Variants in CREB3L1 observed in about 807,000 individuals in gnomAD.
CREB3L1 encodes cyclic AMP-responsive element-binding protein 3-like protein 1.
CREB3L1 carries 33 observed loss-of-function variants against 54.5 expected under a neutral mutation model. The observed-to-expected ratio is 0.61, with a 90% confidence interval of 0.46 to 0.81. CREB3L1 has a LOEUF of 0.81. Ranked by LOEUF, CREB3L1 falls within the 30% of genes least tolerant of loss-of-function variation. The pLI, the probability that CREB3L1 is intolerant of heterozygous loss-of-function variation, is 0.00. For synonymous variants in CREB3L1, 284 were observed against 286.4 expected, an observed-to-expected ratio of 0.99 and a Z score of 0.08; for missense variants, 656 against 673.3, an observed-to-expected ratio of 0.97 and a Z score of 0.29.
rs1007567398 is a variant in CREB3L1, at chr11:46,304,913, C to T, written c.332-2903C>T. Among the ~76,000 whole-genome samples the T allele has an allele frequency of 3.9e-5, 6 of 152,268 alleles. No individual in the cohort carries two copies. The South Asian group carries it at 6.2e-4, about 16-fold the overall frequency. On this transcript the variant is annotated intron_variant, in intron 2 of 11. Coordinates refer to ENST00000621158, the MANE Select transcript of CREB3L1 (RefSeq NM_052854.4). ...GGGCCCTTTGCAGGGGGCAGCTTCC[C>T]GGAGGCCGGTGGCCAGGCCCTGTAA...
rs1939498506 is a variant in CREB3L1, at chr11:46,312,361, G to C, written c.790G>C (p.Glu264Gln). 1 of 1,612,346 alleles carries C rather than the reference G, an allele frequency of 6.2e-7. No individual in the cohort carries two copies. Among genetic ancestry groups the C allele is most frequent in the Non-Finnish European group, 8.5e-7 (1 of 1,179,152 alleles). Residue 264 changes from glutamate (E) to glutamine (Q), a missense_variant, in exon 6 of 12, where the codon GAG (glutamate) becomes CAG (glutamine). Glu to Gln is a conservative substitution (Grantham distance 29). This residue lies in a region of CREB3L1 where 77 missense variants were observed against 122.0 expected (regional missense o/e 0.63). Transcript: ENST00000621158. Reference sequence around the variant, plus strand: ...GACATCAGGGCCACTGCTCCTGACAGAGGAGGAGAAGCGGACCCTGATTGC... The same window carrying C: ...GACATCAGGGCCACTGCTCCTGACACAGGAGGAGAAGCGGACCCTGATTGC... Reference protein sequence around the residue: ...QGTSGPLLLTEEEKRTLIAEG... With the variant: ...QGTSGPLLLTQEEKRTLIAEG...
intron 1 of CREB3L1, among the ~76,000 whole-genome samples, chr11:46,283,768 G>T (rs1440239081): frequency 2.6e-5 from 4 of 151,852 alleles, no homozygotes; most frequent in African/African-American, 9.7e-5. Context: ...CTGAAGTCCT[G>T]GCTGCTTAGG....
At chr11:46,305,005 G>A (rs768339459) in intron 2 of CREB3L1, among the ~76,000 whole-genome samples, 2 of 152,148 alleles carry the variant, frequency 1.3e-5, no homozygotes, top group African/African-American at 2.4e-5. Flanking sequence ...GGGCACTCAG[G>A]CTCCCAACAG....
intron 1 of CREB3L1, among the ~76,000 whole-genome samples, chr11:46,289,995 T>C (rs996500060): frequency 1.3e-5 from 2 of 152,014 alleles, no homozygotes; most frequent in African/African-American, 4.8e-5. Context: ...GGGAACAGAG[T>C]TGTGGGACCT....
intron 3 of CREB3L1, among the ~76,000 whole-genome samples, chr11:46,308,752 C>G (rs1177213238): frequency 2.0e-5 from 3 of 152,212 alleles, no homozygotes; most frequent in Non-Finnish European, 4.4e-5. Flanking sequence ...CTCACTTGCT[C>G]TAACTGTACG....
At chr11:46,305,079 C>A (rs558737605) in intron 2 of CREB3L1, among the ~76,000 whole-genome samples, 2 of 152,234 alleles carry the variant, frequency 1.3e-5, no homozygotes, top group African/African-American at 4.8e-5. Context: ...CACAGCAGGC[C>A]CCAAAGTCCA....
chr11:46,309,312 C>T (rs1232654680), intron 3 of CREB3L1, among the ~76,000 whole-genome samples: 1 of 152,192 alleles, frequency 6.6e-6, no homozygotes, highest in Non-Finnish European at 1.5e-5. Flanking sequence ...CCAACAACGC[C>T]TTCCTCAGAC....
At chr11:46,303,896 C>T (rs1939336894) in intron 2 of CREB3L1, among the ~76,000 whole-genome samples, 1 of 152,032 alleles carries the variant, frequency 6.6e-6, no homozygotes, top group Non-Finnish European at 1.5e-5. Flanking sequence ...GTCCCAGCTA[C>T]CTAAGAGCCT....
chr11:46,278,270 G>C lies in CREB3L1; in HGVS notation c.102+57G>C, dbSNP rs904965214. 6.1e-5 allele frequency: 75 copies of C among 1,223,388 alleles called. No homozygotes were observed. In the African/African-American group the frequency reaches 1.0e-3, roughly 17 times the overall value. The allele number at this position is 1,223,388 out of a possible 1,614,324, so 75.8% of individuals were successfully genotyped here. ...CCCTCGGCACCCGTCCTCGCGGCGC[G>C]CCTGGGCCCCTAGAAGGACCCGACT... On this transcript the variant is annotated intron_variant, in intron 1 of 11. Transcript: ENST00000621158. This position sits in a 1 kb window ranked among gnomAD's most constrained non-coding sequence, Gnocchi z 4.2.
At chr11:46,320,235 AC>A in intron 10 of CREB3L1, 28 bp from the exon 11 acceptor site, 1 of 1,551,184 alleles carries the variant, frequency 6.4e-7, no homozygotes, top group Non-Finnish European at 8.7e-7. Flanking sequence ...AATCTTGGGC[AC>A]ACCGCTCATC....
chr11:46,292,997 A>G (rs1208761673), intron 1 of CREB3L1, among the ~76,000 whole-genome samples: 1 of 152,090 alleles, frequency 6.6e-6, no homozygotes, highest in Non-Finnish European at 1.5e-5. Context: ...CTTACCCTTC[A>G]TTGTCACACC....
chr11:46,289,755 G>A (rs1006476119), intron 1 of CREB3L1, among the ~76,000 whole-genome samples: 2 of 152,210 alleles, frequency 1.3e-5, no homozygotes, highest in African/African-American at 4.8e-5. Context: ...GAGAAAATGA[G>A]GGGGCTCCAG....
intron 5 of CREB3L1, among the ~76,000 whole-genome samples, chr11:46,311,488 C>T (rs565218782): frequency 9.0e-4 from 137 of 151,960 alleles, no homozygotes; most frequent in Middle Eastern, 3.4e-3. Context: ...CACTTGCCAC[C>T]GTGTCTGGCT....
intron 5 of CREB3L1, among the ~76,000 whole-genome samples, chr11:46,311,710 C>T (rs1299155599): frequency 6.6e-6 from 1 of 152,142 alleles, no homozygotes; most frequent in Non-Finnish European, 1.5e-5. Context: ...GTTGGCCAAG[C>T]TGGTCTCAAT....
chr11:46,318,348 G>T (rs1476336709), intron 10 of CREB3L1, among the ~76,000 whole-genome samples: 1 of 152,206 alleles, frequency 6.6e-6, no homozygotes, highest in Admixed American at 6.5e-5. Flanking sequence ...CTGTTTCCAA[G>T]GGGGATAGTA....
chr11:46,317,271 G>A, intron 9 of CREB3L1, 90 bp from the exon 10 acceptor site: 1 of 1,538,318 alleles, frequency 6.5e-7, no homozygotes, highest in Non-Finnish European at 8.9e-7. Context: ...AGACTTTTGT[G>A]CCTGTTGGTT....
chr11:46,318,621 C>T (rs1939602410), intron 10 of CREB3L1, among the ~76,000 whole-genome samples: 1 of 152,168 alleles, frequency 6.6e-6, no homozygotes, highest in African/African-American at 2.4e-5. Context: ...AAGGGAGAAC[C>T]AGGGTAGGGC....
chr11:46,319,960 T>C (rs1292288668), intron 10 of CREB3L1, among the ~76,000 whole-genome samples: 1 of 152,050 alleles, frequency 6.6e-6, no homozygotes, highest in East Asian at 1.9e-4. Flanking sequence ...CAGTACCCTC[T>C]GCTAGGAAGA....
chr11:46,299,728 C>A (rs752456454), intron 1 of CREB3L1, among the ~76,000 whole-genome samples: 15 of 152,052 alleles, frequency 9.9e-5, no homozygotes, highest in Non-Finnish European at 2.2e-4. Context: ...TGGTAACGGT[C>A]ATGATGGAAA....
Sources: gnomAD v4.1 joint callset for allele counts (sites outside exome capture counted in the v4.1 genomes callset) on GRCh38, gnomAD v4.1.1 for gene constraint, gnomAD v4.1.1 regional missense constraint, Gnocchi (gnomAD v3.1) non-coding constraint, MANE v1.5 for transcripts, NCBI Gene and HGNC (gene_info 2026-07-23, HGNC 2026-07-21) for gene names.